Variants in AGFG2 observed in about 807,000 individuals in gnomAD.
AGFG2 encodes arf-GAP domain and FG repeat-containing protein 2.
AGFG2 carries 31 observed loss-of-function variants against 48.0 expected under a neutral mutation model. That is an observed-to-expected ratio of 0.65 (90% CI 0.49 to 0.87). The LOEUF (loss-of-function observed/expected upper bound fraction) is 0.87, where lower values mean the gene tolerates loss of function less well. AGFG2 is among the 40% of genes least tolerant of loss of function. The pLI is 0.00. For synonymous variants in AGFG2, 229 were observed against 260.8 expected (o/e 0.88, Z 1.18); for missense variants, 599 against 632.6 (o/e 0.95, Z 0.57).
rs756166918 is a variant in AGFG2, at chr7:100,562,642, G to GGGCGGC, written c.1057_1062dup (p.Gly353_Gly354dup). The GGGCGGC allele has an allele frequency of 8.1e-6, 13 of 1,609,830 alleles. No individual in the cohort carries two copies. The highest frequency in any genetic ancestry group is 1.1e-5 in the South Asian group (1 of 90,970). On this transcript the variant is annotated inframe_insertion, in exon 8 of 12. Coordinates refer to ENST00000300176, the MANE Select transcript of AGFG2 (RefSeq NM_006076.5). This position sits in a 1 kb window ranked among gnomAD's most constrained non-coding sequence, Gnocchi z 5.4. Reference sequence around the variant, plus strand: ...TCCCCCCGCTCCAGTCTGTCACGATGGGCGGCGGCGGCGGCAGCAGCACAG... The same window carrying GGGCGGC: ...TCCCCCCGCTCCAGTCTGTCACGATGGGCGGCGGCGGCGGCGGCGGCAGCAGCACAG...
intron 1 of AGFG2, among the ~76,000 whole-genome samples, chr7:100,545,486 A>G (rs1800494225): frequency 6.6e-6 from 1 of 152,200 alleles, no homozygotes; most frequent in Non-Finnish European, 1.5e-5. Context: ...AGAATACTTC[A>G]TATGCCCTTT....
chr7:100,564,338 C>T (rs761381699), intron 11 of AGFG2, 35 bp downstream of exon 11: 28 of 1,587,932 alleles, frequency 1.8e-5, no homozygotes, highest in Admixed American at 7.0e-5. Flanking sequence ...TGGTAGGGCT[C>T]GTGGGCTTTC....
Position 100,539,239 on chromosome 7 carries a change from C to G in AGFG2, c.-108C>G, listed in dbSNP as rs904811848. The G allele has an allele frequency of 8.7e-7, 1 of 1,152,194 alleles. No homozygotes were observed. Among genetic ancestry groups the G allele is most frequent in the Non-Finnish European group, 1.1e-6 (1 of 903,586 alleles). The allele number at this position is 1,152,194 out of a possible 1,614,324, so 71.4% of individuals were successfully genotyped here. A position where few individuals can be genotyped will look rare whatever the true frequency, so the allele number is the denominator to read the frequency against. On this transcript the variant is annotated 5_prime_UTR_variant, in exon 1 of 12. Transcript: ENST00000300176. Reference sequence around the variant, plus strand: ...AAGTCTCCTGCGGATGCCGCCCGCTCCCGAGCTTCTGTCAGGGGAGCCGGG... The same window carrying G: ...AAGTCTCCTGCGGATGCCGCCCGCTGCCGAGCTTCTGTCAGGGGAGCCGGG...
intron 1 of AGFG2, among the ~76,000 whole-genome samples, chr7:100,541,833 C>T (rs1215758633): frequency 6.6e-6 from 1 of 151,120 alleles, no homozygotes; most frequent in Non-Finnish European, 1.5e-5. Context: ...TCCTGAAGAT[C>T]CTGCTATGAG....
rs777962317 is a variant in AGFG2, at chr7:100,564,204, C to T, written c.1301-14C>T. 24 of 1,605,044 alleles carry T rather than the reference C, an allele frequency of 1.5e-5. No individual in the cohort carries two copies. The highest frequency in any genetic ancestry group is 1.1e-4 in the East Asian group (5 of 44,664). The stretch of plus-strand genomic sequence containing the variant: ...CAGGCTGGTGTCAGCTGAGTGACTG[C>T]TCTCGCCCCCTAGGCTCTTCCTTCG... On this transcript the variant is annotated splice_polypyrimidine_tract_variant and intron_variant, in intron 10 of 11. Transcript: ENST00000300176.
At chr7:100,556,479 A>G in intron 6 of AGFG2, 3 of 843,478 alleles carry the variant, frequency 3.6e-6, no homozygotes, top group Non-Finnish European at 4.9e-6. Context: ...GACACATGGG[A>G]GGGCAGCTGC....
chr7:100,540,425 G>T (rs1800400937), intron 1 of AGFG2, among the ~76,000 whole-genome samples: 1 of 152,042 alleles, frequency 6.6e-6, no homozygotes, highest in South Asian at 2.1e-4. Flanking sequence ...TCTAGATTTT[G>T]GGGGGGCTTT....
intron 6 of AGFG2, chr7:100,556,631 G>A (rs1396370533): frequency 7.8e-7 from 1 of 1,289,140 alleles, no homozygotes; most frequent in Non-Finnish European, 1.0e-6. Context: ...GCTTTGGTAA[G>A]TTATTATCCC....
At chr7:100,551,885 CAAA>C (rs59484677) in intron 3 of AGFG2, among the ~76,000 whole-genome samples, 40 of 16,848 alleles carry the variant, frequency 2.4e-3, no homozygotes, top group African/African-American at 9.3e-3. Flanking sequence ...GAGACTGTCT[CAAA>C]AAAAAAAAAA....
At chr7:100,543,533 C>T (rs529364331) in intron 1 of AGFG2, among the ~76,000 whole-genome samples, 11 of 152,250 alleles carry the variant, frequency 7.2e-5, no homozygotes, top group Non-Finnish European at 1.5e-4. Flanking sequence ...GGGATAGAGT[C>T]GTCTGGGGGC....
At chr7:100,557,912 G>A in intron 6 of AGFG2, among the ~76,000 whole-genome samples, 1 of 151,384 alleles carries the variant, frequency 6.6e-6, no homozygotes, top group Non-Finnish European at 1.5e-5. Context: ...GTAACACCCA[G>A]AAAAAAAAAT....
chr7:100,555,734 A>C lies in AGFG2; in HGVS notation c.876A>C (p.Ala292=), dbSNP rs1352929304. Residue 292 remains alanine (A), a splice_region_variant and synonymous_variant, in exon 6 of 12, where the codon GCA becomes GCC. Coordinates refer to ENST00000300176, the MANE Select transcript of AGFG2 (RefSeq NM_006076.5). ...CGTTCCAGGCCCAGCCAACTCCTGC[A>C]GGTAAACTCTGCCCCACTGGCTTCC... ...QASFQAQPTP[A]GSSQGTPFGA... 1 of 1,613,994 alleles carries C rather than the reference A, an allele frequency of 6.2e-7. No homozygotes were observed. The highest frequency in any genetic ancestry group is 8.5e-7 in the Non-Finnish European group (1 of 1,179,900).
In AGFG2 at chr7:100,554,608, A is replaced by G. The variant is rs542761413; in HGVS notation, c.751+350A>G. Among the ~76,000 whole-genome samples the G allele has an allele frequency of 4.6e-5, 7 of 152,260 alleles. No individual in the cohort carries two copies. The South Asian group carries it at 1.5e-3, about 32-fold the overall frequency. ...CCCCCAAATCAGCAATAGCCAGTAG[A>G]GGGTTCAGCAGCATAGAATCTGTTT... On this transcript the variant is annotated intron_variant, in intron 5 of 11. Transcript: ENST00000300176.
intron 3 of AGFG2, among the ~76,000 whole-genome samples, chr7:100,553,107 T>C (rs1450052203): frequency 6.6e-6 from 1 of 151,882 alleles, no homozygotes; most frequent in African/African-American, 2.4e-5. Flanking sequence ...GAGCCAACAT[T>C]GCCCCACTGC....
intron 11 of AGFG2, 138 bp downstream of exon 11, chr7:100,564,441 C>A: frequency 1.1e-6 from 1 of 880,924 alleles, no homozygotes; most frequent in Non-Finnish European, 1.7e-6. Context: ...CAGGGCTGAG[C>A]TTGGGCCTCA....
At chr7:100,560,217 C>T (rs1367809361) in intron 6 of AGFG2, among the ~76,000 whole-genome samples, 1 of 151,114 alleles carries the variant, frequency 6.6e-6, no homozygotes, top group Non-Finnish European at 1.5e-5. Context: ...CTTGCCCTGT[C>T]GCCCAGGCTG....
At chr7:100,542,584 T>C (rs1260390026) in intron 1 of AGFG2, among the ~76,000 whole-genome samples, 1 of 152,216 alleles carries the variant, frequency 6.6e-6, no homozygotes, top group Non-Finnish European at 1.5e-5. Flanking sequence ...AGGCATATAA[T>C]CCTTGTAAAG....
Position 100,550,435 on chromosome 7 carries a change from A to C in AGFG2, c.355A>C (p.Thr119Pro). 1 of 1,613,754 alleles carries C rather than the reference A, an allele frequency of 6.2e-7. No homozygotes were observed. The highest frequency in any genetic ancestry group is 8.5e-7 in the Non-Finnish European group (1 of 1,179,930). Residue 119 changes from threonine (T) to proline (P), a missense_variant, in exon 3 of 12, where the codon ACA becomes CCA. Thr to Pro is a conservative substitution (Grantham distance 38, BLOSUM62 -1). Coordinates refer to ENST00000300176, the MANE Select transcript of AGFG2 (RefSeq NM_006076.5). ...TTGGTTGGGTCTGTTTGATGCTCGGACATCTTTAGTACCAGATTCCAGGGA... is the reference window on the plus strand; with the variant it reads ...TTGGTTGGGTCTGTTTGATGCTCGGCCATCTTTAGTACCAGATTCCAGGGA... ...KIWLGLFDARTSLVPDSRDPQ... is the reference protein window; with the variant it reads ...KIWLGLFDARPSLVPDSRDPQ...
In AGFG2 at chr7:100,562,329, C is replaced by T. The variant is rs550739522; in HGVS notation, c.948C>T (p.Asp316=). 1.1e-5 allele frequency: 17 copies of T among 1,614,144 alleles called. No homozygotes were observed. Among genetic ancestry groups the T allele is most frequent in the Admixed American group, 3.3e-5 (2 of 60,030 alleles). The stretch of plus-strand genomic sequence containing the variant: ...CCAGTCAGCCAAACAGCCTCGCAGA[C>T]GTGGGCAGCTTCCTGGGACCCGGGG... ...APASQPNSLA[D]VGSFLGPGVP... is the part of the protein sequence containing the mutation. Residue 316 remains aspartate (D), a synonymous_variant, in exon 7 of 12, where the codon GAC becomes GAT. Coordinates refer to ENST00000300176, the MANE Select transcript of AGFG2 (RefSeq NM_006076.5). The surrounding 1 kb of genome is among the most constrained non-coding windows in gnomAD (Gnocchi z 5.4).
Sources: gnomAD v4.1 joint callset for allele counts (sites outside exome capture counted in the v4.1 genomes callset) on GRCh38, gnomAD v4.1.1 for gene constraint, Gnocchi (gnomAD v3.1) non-coding constraint, MANE v1.5 for transcripts, NCBI Gene and HGNC (gene_info 2026-07-23, HGNC 2026-07-21) for gene names.